The following ALK variants were observed in gnomAD, a reference collection of about 807,000 sequenced individuals.
ALK encodes ALK receptor tyrosine kinase.
A neutral mutation model predicts 163.1 loss-of-function variants in ALK; 74 were observed. The observed-to-expected ratio is 0.45, with a 90% confidence interval of 0.38 to 0.55. The LOEUF (loss-of-function observed/expected upper bound fraction) is 0.55, where lower values mean the gene tolerates loss of function less well. Among genes scored for constraint, ALK ranks in the 20% least tolerant of loss-of-function variants. The pLI is 0.00. For missense variants in ALK, 2,063 were observed against 2,105.3 expected, an observed-to-expected ratio of 0.98 and a Z score of 0.39; for synonymous variants, 960 against 843.2, an observed-to-expected ratio of 1.14 and a Z score of -2.40.
At chr2:29,454,239 G>T (rs55995654) in intron 4 of ALK, among the ~76,000 whole-genome samples, 10,784 of 152,106 alleles carry the variant, frequency 0.071, 532 homozygotes, top group Non-Finnish European at 0.11. Flanking sequence ...TATTTCTGGG[G>T]GATTGGTTCC....
intron 4 of ALK, among the ~76,000 whole-genome samples, chr2:29,518,092 C>T (rs543554880): frequency 1.3e-5 from 2 of 152,274 alleles, no homozygotes; most frequent in East Asian, 3.9e-4. Flanking sequence ...CTGTGCAGTC[C>T]AATAGCAGAG....
At chr2:29,344,317 G>A (rs1667885123) in intron 5 of ALK, among the ~76,000 whole-genome samples, 1 of 152,166 alleles carries the variant, frequency 6.6e-6, no homozygotes, top group East Asian at 1.9e-4. Flanking sequence ...GAGTCGGGCA[G>A]GCTCATGACT....
intron 1 of ALK, among the ~76,000 whole-genome samples, chr2:29,753,941 A>G: frequency 6.6e-6 from 1 of 152,192 alleles, no homozygotes; most frequent in East Asian, 1.9e-4. Context: ...AATGTTTTAC[A>G]TCTTGTTATT....
At chr2:29,705,496 A>G (rs1178951150) in intron 2 of ALK, among the ~76,000 whole-genome samples, 1 of 151,652 alleles carries the variant, frequency 6.6e-6, no homozygotes, top group African/African-American at 2.4e-5. Context: ...GAAGCAGGCT[A>G]GAACAGACAT....
Position 29,669,477 on chromosome 2 carries a change from CTATG to C in ALK, c.952+25369_952+25372del, listed in dbSNP as rs1451048878. Among the ~76,000 whole-genome samples the C allele has an allele frequency of 3.3e-5, 5 of 152,086 alleles. No homozygotes were observed. The South Asian group carries it at 1.0e-3, about 32-fold the overall frequency. ...CTTTTTTCACCCCTTCACTTTCAGTCTATGTGTGTCTTTTGTATGTGAAGTGGGG... is the reference window on the plus strand; with the variant it reads ...CTTTTTTCACCCCTTCACTTTCAGTCTGTGTCTTTTGTATGTGAAGTGGGG... On this transcript the variant is annotated intron_variant, in intron 3 of 28. Transcript: ENST00000389048.
intron 3 of ALK, among the ~76,000 whole-genome samples, chr2:29,562,069 A>G (rs1674039826): frequency 6.6e-6 from 1 of 152,190 alleles, no homozygotes; most frequent in Non-Finnish European, 1.5e-5. Context: ...AGCAAAGTTT[A>G]TAACCAATCC....
intron 1 of ALK, among the ~76,000 whole-genome samples, chr2:29,874,515 C>G (rs1190325726): frequency 1.3e-5 from 2 of 152,172 alleles, no homozygotes; most frequent in African/African-American, 4.8e-5. Flanking sequence ...ATGCCTTGGA[C>G]AGGACCTCCC....
At chr2:29,595,535 T>A (rs1175861861) in intron 3 of ALK, among the ~76,000 whole-genome samples, 1 of 152,132 alleles carries the variant, frequency 6.6e-6, no homozygotes, top group African/African-American at 2.4e-5. Context: ...TTAGGCAGGA[T>A]GGTCTCGATT....
chr2:29,305,289 C>T (rs1666473334), intron 8 of ALK, among the ~76,000 whole-genome samples: 1 of 152,216 alleles, frequency 6.6e-6, no homozygotes, highest in African/African-American at 2.4e-5. Flanking sequence ...TAGAAAAAGA[C>T]TGAGAATAAC....
chr2:29,518,867 A>G (rs1426848665), intron 4 of ALK, among the ~76,000 whole-genome samples: 1 of 152,238 alleles, frequency 6.6e-6, no homozygotes, highest in East Asian at 1.9e-4. Flanking sequence ...AGAAGGAACT[A>G]TCATGTGTTG....
chr2:29,405,497 A>T (rs1262524280), intron 4 of ALK, among the ~76,000 whole-genome samples: 3 of 152,160 alleles, frequency 2.0e-5, no homozygotes, highest in African/African-American at 7.2e-5. Flanking sequence ...TTTTCAGCAA[A>T]GCGTGTCTCC....
intron 4 of ALK, among the ~76,000 whole-genome samples, chr2:29,488,373 C>G (rs1030388275): frequency 2.6e-5 from 4 of 152,062 alleles, no homozygotes; most frequent in African/African-American, 9.7e-5. Context: ...AACCCCCAAA[C>G]TGAGACTCAA....
At chr2:29,710,124 G>C (rs1304898853) in intron 2 of ALK, among the ~76,000 whole-genome samples, 1 of 152,138 alleles carries the variant, frequency 6.6e-6, no homozygotes, top group African/African-American at 2.4e-5. Context: ...GTTTTATAAT[G>C]TGGAGTTCCC....
At chr2:29,206,260 T>TCTTTCTC (rs1558612389) in intron 26 of ALK, among the ~76,000 whole-genome samples, 31 of 148,988 alleles carry the variant, frequency 2.1e-4, no homozygotes, top group African/African-American at 7.7e-4. Context: ...CTCCCTTTCT[T>TCTTTCTC]TCTTTCTCTC....
At chr2:29,464,908 A>G (rs1368919387) in intron 4 of ALK, among the ~76,000 whole-genome samples, 4 of 152,216 alleles carry the variant, frequency 2.6e-5, no homozygotes, top group Admixed American at 2.6e-4. Context: ...ACCATCCAAA[A>G]TGAAGCTCAG....
intron 3 of ALK, among the ~76,000 whole-genome samples, chr2:29,627,895 C>T (rs1676242582): frequency 6.6e-6 from 1 of 151,946 alleles, no homozygotes; most frequent in African/African-American, 2.4e-5. Context: ...CTGCAAAGGG[C>T]CCAAACTGAA....
Position 29,798,234 on chromosome 2 carries a change from G to A in ALK, c.668-80537C>T, listed in dbSNP as rs151009530. Among the ~76,000 whole-genome samples the A allele has an allele frequency of 1.9e-3, 291 of 152,364 alleles. 3 individuals carry two copies. The highest frequency in any genetic ancestry group is 5.4e-3 in the African/African-American group (225 of 41,586). ...GGCCAAAGCCTCTCTTTGTGTGTGT[G>A]AGAGAGGGAGTCTTTTGGATGCTTT... On this transcript the variant is annotated intron_variant, in intron 1 of 28. Coordinates refer to ENST00000389048, the MANE Select transcript of ALK (RefSeq NM_004304.5).
intron 3 of ALK, among the ~76,000 whole-genome samples, chr2:29,629,009 C>T (rs1676281066): frequency 6.6e-6 from 1 of 152,110 alleles, no homozygotes; most frequent in Admixed American, 6.6e-5. Flanking sequence ...CTAAGACTGC[C>T]ATGGGAGTGT....
chr2:29,898,651 G>A (rs140022112), intron 1 of ALK, among the ~76,000 whole-genome samples: 4 of 152,248 alleles, frequency 2.6e-5, no homozygotes, highest in Non-Finnish European at 4.4e-5. Flanking sequence ...GGCTGAGCTC[G>A]GGCAGCTCAG....
Sources: allele counts gnomAD v4.1 joint callset (sites outside exome capture counted in the v4.1 genomes callset), GRCh38; gene constraint gnomAD v4.1.1; transcripts MANE v1.5; gene names NCBI Gene and HGNC (gene_info 2026-07-23, HGNC 2026-07-21).